CSF3R: variants seen among roughly 807,000 people sequenced by gnomAD.
The protein encoded by CSF3R is colony stimulating factor 3 receptor.
In CSF3R, 52 loss-of-function variants were observed where a neutral mutation model predicts 84.4. The observed-to-expected ratio is 0.62, with a 90% CI of 0.49 to 0.78. CSF3R has a LOEUF of 0.78. CSF3R is among the 30% of genes least tolerant of loss of function. The probability of loss-of-function intolerance (pLI) is 0.00; values close to 1 mark genes in which losing one functional copy is unlikely to be tolerated. For synonymous variants in CSF3R, 384 were observed against 429.1 expected, an observed-to-expected ratio of 0.89 and a Z score of 1.30; for missense variants, 890 against 1,055.7, an observed-to-expected ratio of 0.84 and a Z score of 2.17.
chr1:36,472,237 C>A lies in CSF3R; in HGVS notation c.997+1G>T. 1 of 1,614,174 alleles carries A rather than the reference C, an allele frequency of 6.2e-7. No homozygotes were observed. Among genetic ancestry groups the A allele is most frequent in the Non-Finnish European group, 8.5e-7 (1 of 1,180,018 alleles). On this transcript the variant is annotated splice_donor_variant, in intron 8 of 16. Transcript: ENST00000373106. LOFTEE classifies it high-confidence loss of function. The surrounding 1 kb of genome is among the most constrained non-coding windows in gnomAD (Gnocchi z 5.0). Reference sequence around the variant, plus strand: ...CTCCCAGCCTCTCATCACCTCCTTACCCCGTTCGGTAGTTCTCAGCTCCAG... The same window carrying A: ...CTCCCAGCCTCTCATCACCTCCTTAACCCGTTCGGTAGTTCTCAGCTCCAG...
Position 36,473,837 on chromosome 1 carries a change from T to C in CSF3R, c.412A>G (p.Ser138Gly). ...NLSCLMNLTTSSLICQWEPGP... is the reference protein window; with the variant it reads ...NLSCLMNLTTGSLICQWEPGP... The stretch of plus-strand genomic sequence containing the variant: ...GGCTCCCACTGGCAGATGAGGCTGC[T>C]GGTTGTGAGGTTCATGAGGCAGGAG... Residue 138 changes from serine (S) to glycine (G), a missense_variant, in exon 5 of 17, where the codon AGC becomes GGC. Coordinates refer to ENST00000373106, the MANE Select transcript of CSF3R (RefSeq NM_000760.4). 1 of 1,614,214 alleles carries C rather than the reference T, an allele frequency of 6.2e-7. No individual in the cohort carries two copies. The highest frequency in any genetic ancestry group is 8.5e-7 in the Non-Finnish European group (1 of 1,180,034).
chr1:36,467,209 CT>C lies in CSF3R; in HGVS notation c.2040+20del, dbSNP rs779332874. ...GGGCCGACATCCCCATCTCATTTCC[CT>C]CTCCCTCCTGGATTCTCACCTCCTC... On this transcript the variant is annotated intron_variant, in intron 16 of 16. Coordinates refer to ENST00000373106, the MANE Select transcript of CSF3R (RefSeq NM_000760.4). The surrounding 1 kb of genome is among the most constrained non-coding windows in gnomAD (Gnocchi z 4.1). The C allele has an allele frequency of 1.8e-5, 29 of 1,612,838 alleles. No homozygotes were observed. The African/African-American group carries it at 3.9e-4, about 22-fold the overall frequency.
chr1:36,471,344 G>T, intron 10 of CSF3R, 89 bp downstream of exon 10: 1 of 1,325,766 alleles, frequency 7.5e-7, no homozygotes, highest in Non-Finnish European at 1.1e-6. Flanking sequence ...ACTGCGCCCG[G>T]CCAATAGGAC....
chr1:36,466,114 A>G lies in CSF3R; in HGVS notation c.*243T>C. On this transcript the variant is annotated 3_prime_UTR_variant, in exon 17 of 17. Coordinates refer to ENST00000373106, the MANE Select transcript of CSF3R (RefSeq NM_000760.4). The surrounding 1 kb of genome is among the most constrained non-coding windows in gnomAD (Gnocchi z 4.6). ...AACTAGTTTACAATACTGAAGTTAT[A>G]GGAAACAAGCACAAAAGGCCATTGG... 6.2e-7 allele frequency: 1 copy of G among 1,614,248 alleles called. No homozygotes were observed. The highest frequency in any genetic ancestry group is 1.1e-5 in the South Asian group (1 of 91,088).
chr1:36,473,670 C>T (rs1185823148), intron 5 of CSF3R, 48 bp from the exon 6 acceptor site: 11 of 1,613,816 alleles, frequency 6.8e-6, no homozygotes, highest in Non-Finnish European at 9.3e-6. Context: ...GAAAGCGAGG[C>T]TCCCTTCTCC....
intron 3 of CSF3R, among the ~76,000 whole-genome samples, chr1:36,478,179 A>G (rs1651282850): frequency 6.6e-6 from 1 of 152,202 alleles, no homozygotes; most frequent in Non-Finnish European, 1.5e-5. Context: ...TAACAACTAA[A>G]GATGTTTCTT....
rs948135861 is a variant in CSF3R, at chr1:36,469,470, A to T, written c.1474+182T>A. The stretch of plus-strand genomic sequence containing the variant: ...GCAGAGTCAGGGCTATAGAAAAAGG[A>T]TCAGGTTAGACTGTAGGAAGAACTT... On this transcript the variant is annotated intron_variant, in intron 11 of 16. Coordinates refer to ENST00000373106, the MANE Select transcript of CSF3R (RefSeq NM_000760.4). Among the ~76,000 whole-genome samples the T allele has an allele frequency of 5.9e-5, 9 of 152,230 alleles. No individual in the cohort carries two copies. In the East Asian group the frequency reaches 1.5e-3, roughly 26 times the overall value.
chr1:36,468,630 C>T, intron 12 of CSF3R: 1 of 212,080 alleles, frequency 4.7e-6, no homozygotes, highest in Non-Finnish European at 9.6e-6. Flanking sequence ...ACCTCCTGGG[C>T]TCAAGCCCTC....
rs868516089 is a variant in CSF3R, at chr1:36,472,239, C to G, written c.996G>C (p.Arg332=). ...CCCAGCCTCTCATCACCTCCTTACCCCGTTCGGTAGTTCTCAGCTCCAGGC... is the reference window on the plus strand; with the variant it reads ...CCCAGCCTCTCATCACCTCCTTACCGCGTTCGGTAGTTCTCAGCTCCAGGC... ...SPSLELRTTE[R]APTVRLDTWW... Residue 332 remains arginine, a splice_region_variant and synonymous_variant, in exon 8 of 17, where the codon CGG becomes CGC. Transcript: ENST00000373106. This position sits in a 1 kb window ranked among gnomAD's most constrained non-coding sequence, Gnocchi z 5.0. 3.1e-6 allele frequency: 5 copies of G among 1,614,156 alleles called. No homozygotes were observed. In the Middle Eastern group the frequency reaches 6.6e-4, roughly 213 times the overall value.
chr1:36,466,638 A>T lies in CSF3R; in HGVS notation c.2230T>A (p.Ser744Thr). The T allele has an allele frequency of 6.2e-7, 1 of 1,614,026 alleles. No individual in the cohort carries two copies. The highest frequency in any genetic ancestry group is 8.5e-7 in the Non-Finnish European group (1 of 1,179,952). Residue 744 changes from serine (S) to threonine (T), a missense_variant, in exon 17 of 17, where the codon TCT becomes ACT. Ser to Thr is a moderately conservative substitution (Grantham distance 58). Coordinates refer to ENST00000373106, the MANE Select transcript of CSF3R (RefSeq NM_000760.4). The surrounding 1 kb of genome is among the most constrained non-coding windows in gnomAD (Gnocchi z 4.6). Reference protein sequence around the residue: ...RAVSTQPQSQSGTSDQVLYGQ... With the variant: ...RAVSTQPQSQTGTSDQVLYGQ... ...TAAAGGACCTGATCGCTGGTGCCAGACTGGGATTGGGGCTGGGTGGAAACT... is the reference window on the plus strand; with the variant it reads ...TAAAGGACCTGATCGCTGGTGCCAGTCTGGGATTGGGGCTGGGTGGAAACT...
intron 10 of CSF3R, 152 bp from the exon 11 acceptor site, chr1:36,469,992 T>C: frequency 1.2e-6 from 1 of 819,326 alleles, no homozygotes; most frequent in Non-Finnish European, 2.0e-6. Context: ...ATCTGTAAAG[T>C]AGAAATGATG....
Position 36,472,381 on chromosome 1 carries a change from A to C in CSF3R, c.854T>G (p.Leu285Arg). 4.3e-6 allele frequency: 7 copies of C among 1,613,862 alleles called. No individual in the cohort carries two copies. The highest frequency in any genetic ancestry group is 5.9e-6 in the Non-Finnish European group (7 of 1,179,964). ...GEASWALVGP[L>R]PLEALQYELC... ...CTCATACTGAAGGGCCTCCAAGGGG[A>C]GGGGGCCCACCTGGTGAGGGGTGGA... Residue 285 changes from leucine (L) to arginine (R), a missense_variant, in exon 8 of 17, where the codon CTC becomes CGC. Leu to Arg is a moderately radical substitution (Grantham distance 102). Coordinates refer to ENST00000373106, the MANE Select transcript of CSF3R (RefSeq NM_000760.4). The surrounding 1 kb of genome is among the most constrained non-coding windows in gnomAD (Gnocchi z 5.0).
chr1:36,475,650 T>C lies in CSF3R; in HGVS notation c.88A>G (p.Ser30Gly). 6.2e-7 allele frequency: 1 copy of C among 1,607,328 alleles called. No homozygotes were observed. Among genetic ancestry groups the C allele is most frequent in the South Asian group, 1.1e-5 (1 of 90,822 alleles). Reference sequence around the variant, plus strand: ...AGGTGGACGATGGGGGCTGAGACACTGATGTGCCCGCACTCCTCCAGACCT... The same window carrying C: ...AGGTGGACGATGGGGGCTGAGACACCGATGTGCCCGCACTCCTCCAGACCT... ...PGSLEECGHI[S>G]VSAPIVHLGD... The change falls in exon 4 of 17, where the codon AGT becomes GGT. Residue 30 changes from serine (S) to glycine (G), a missense_variant. Ser to Gly is a moderately conservative substitution (Grantham distance 56). Coordinates refer to ENST00000373106, the MANE Select transcript of CSF3R (RefSeq NM_000760.4).
rs1441530854 is a variant in CSF3R, at chr1:36,468,884, A to G, written c.1576+272T>C. Reference sequence around the variant, plus strand: ...CCCCTCTGTCCAATTTCTGTTACATATAACACCTTATTTTTGTCTGGGAAA... The same window carrying G: ...CCCCTCTGTCCAATTTCTGTTACATGTAACACCTTATTTTTGTCTGGGAAA... On this transcript the variant is annotated intron_variant, in intron 12 of 16. Transcript: ENST00000373106. 7 of 462,578 alleles carry G rather than the reference A, an allele frequency of 1.5e-5. No homozygotes were observed. In the East Asian group the frequency reaches 2.5e-4, roughly 16 times the overall value. The allele number at this position is 462,578 out of a possible 1,614,324, so 28.7% of individuals were successfully genotyped here.
rs1351355693 is a variant in CSF3R at position 36,468,049 on chromosome 1, T to C, written c.1723+26A>G. The C allele has an allele frequency of 1.9e-6, 3 of 1,614,108 alleles. No homozygotes were observed. The African/African-American group carries it at 4.0e-5, about 22-fold the overall frequency. ...CACCCCCTTCCAGGCCTTCTGGGGC[T>C]GTGGGGGAACTGAGGATAGACTCAC... On this transcript the variant is annotated intron_variant, in intron 13 of 16. Transcript: ENST00000373106.
At position 36,472,521 on chromosome 1, in the gene CSF3R, G is replaced by A. The variant is rs34845290; in HGVS notation, c.839C>T (p.Ala280Val). 7.4e-6 allele frequency: 12 copies of A among 1,614,060 alleles called. No individual in the cohort carries two copies. The Admixed American group carries it at 2.0e-4, about 27-fold the overall frequency. Residue 280 changes from alanine (A) to valine (V), a missense_variant, in exon 7 of 17, where the codon GCA (alanine) becomes GTA (valine). Physicochemically the swap from Ala to Val is moderately conservative, Grantham distance 64. Coordinates refer to ENST00000373106, the MANE Select transcript of CSF3R (RefSeq NM_000760.4). This position sits in a 1 kb window ranked among gnomAD's most constrained non-coding sequence, Gnocchi z 5.0. ...CCAGGTTGCCCTCTGCCTCACCAGT[G>A]CCCAGCTGGCTTCTCCACGCTGCGG... is the stretch of plus-strand genomic sequence containing the variant. ...HKPQRGEASW[A>V]LVGPLPLEAL...
chr1:36,472,750 C>T lies in CSF3R; in HGVS notation c.674-64G>A. The stretch of plus-strand genomic sequence containing the variant: ...ACCCTAGAGGGCTCTGCCTTAGCTC[C>T]CTCTTGTCTCCCTGTCTGTGGTTCA... On this transcript the variant is annotated intron_variant, in intron 6 of 16. Transcript: ENST00000373106. This position sits in a 1 kb window ranked among gnomAD's most constrained non-coding sequence, Gnocchi z 5.0. The T allele has an allele frequency of 1.4e-6, 2 of 1,458,880 alleles. No individual in the cohort carries two copies. The highest frequency in any genetic ancestry group is 1.8e-6 in the Non-Finnish European group (2 of 1,100,110). 90.4% of individuals were successfully genotyped at this position (1,458,880 alleles called of 1,614,324 possible).
At position 36,466,093 on chromosome 1, in the gene CSF3R, A is replaced by G. The variant is rs775142640; in HGVS notation, c.*264T>C. On this transcript the variant is annotated 3_prime_UTR_variant, in exon 17 of 17. Transcript: ENST00000373106. This position sits in a 1 kb window ranked among gnomAD's most constrained non-coding sequence, Gnocchi z 4.6. ...CAACAAAAACTGCAAACCAAAAACT[A>G]GTTTACAATACTGAAGTTATAGGAA... 1.9e-6 allele frequency: 3 copies of G among 1,614,202 alleles called. No individual in the cohort carries two copies. The highest frequency in any genetic ancestry group is 2.7e-5 in the African/African-American group (2 of 75,046).
intron 3 of CSF3R, chr1:36,477,084 G>A (rs1199317114): frequency 6.6e-6 from 1 of 152,034 alleles, no homozygotes; most frequent in Non-Finnish European, 1.5e-5. Flanking sequence ...AGGAGGCCAA[G>A]GTCCCTGTAC....
Sources: gnomAD v4.1 joint callset for allele counts (sites outside exome capture counted in the v4.1 genomes callset) on GRCh38, gnomAD v4.1.1 for gene constraint, Gnocchi (gnomAD v3.1) non-coding constraint, MANE v1.5 for transcripts, NCBI Gene and HGNC (gene_info 2026-07-23, HGNC 2026-07-21) for gene names.